Variants in WDCP observed in about 807,000 individuals in gnomAD.
WDCP encodes WD repeat and coiled-coil-containing protein.
WDCP carries 19 observed loss-of-function variants against 41.6 expected under a neutral mutation model. The observed-to-expected ratio is 0.46, with a 90% confidence interval of 0.32 to 0.67. WDCP has a LOEUF of 0.67. WDCP is among the 30% of genes least tolerant of loss of function. The pLI is 0.04. For synonymous variants in WDCP, 302 were observed against 320.8 expected, an observed-to-expected ratio of 0.94 and a Z score of 0.63; for missense variants, 802 against 850.7, an observed-to-expected ratio of 0.94 and a Z score of 0.71.
Position 24,030,607 on chromosome 2 carries a change from A to T in WDCP, c.*326T>A. ...AGACAGCTTCAATGCAGCTTTGGAC[A>T]AGGGACACAAAGCCTCAGAGAAACC... is the stretch of plus-strand genomic sequence containing the variant. On this transcript the variant is annotated 3_prime_UTR_variant, in exon 4 of 4. Transcript: ENST00000295148. The T allele has an allele frequency of 4.2e-6, 1 of 240,084 alleles. No homozygotes were observed. The highest frequency in any genetic ancestry group is 9.5e-5 in the South Asian group (1 of 10,522). The allele number at this position is 240,084 out of a possible 1,614,324, so 14.9% of individuals were successfully genotyped here.
intron 1 of WDCP, among the ~76,000 whole-genome samples, chr2:24,045,162 C>T (rs1663572559): frequency 6.6e-6 from 1 of 152,100 alleles, no homozygotes; most frequent in African/African-American, 2.4e-5. Context: ...AGGCCATATT[C>T]AAGAGATGCT....
rs999357769 is a variant in WDCP at position 24,039,508 on chromosome 2, G to T, written c.-14C>A. On this transcript the variant is annotated 5_prime_UTR_variant, in exon 2 of 4. Transcript: ENST00000295148. ...TCCCAACTCCATCCTTTTGATAAAGGTTACCTGAAATGATTAAGAAGGAAA... is the reference window on the plus strand; with the variant it reads ...TCCCAACTCCATCCTTTTGATAAAGTTTACCTGAAATGATTAAGAAGGAAA... 14 of 1,605,912 alleles carry T rather than the reference G, an allele frequency of 8.7e-6. No individual in the cohort carries two copies. Among genetic ancestry groups the T allele is most frequent in the African/African-American group, 2.7e-5 (2 of 74,682 alleles).
rs769024083 is a variant in WDCP, at chr2:24,038,500, C to T, written c.995G>A (p.Arg332Lys). Residue 332 changes from arginine (R) to lysine (K), a missense_variant, in exon 2 of 4, where the codon AGA (arginine) becomes AAA (lysine). By Grantham distance (26) the Arg-to-Lys change is conservative. Around this residue, in one of 5 missense-constraint regions of WDCP, gnomAD observed 247 missense variants for 240.5 expected, o/e 1.03. Coordinates refer to ENST00000295148, the MANE Select transcript of WDCP (RefSeq NM_025203.3). Reference protein sequence around the residue: ...VTFKKAVTMTRKVTIPGILVP... With the variant: ...VTFKKAVTMTKKVTIPGILVP... ...CAGAATGCCTGGAATAGTGACTTTTCTCGTCATGGTAACTGCCTTCTTAAA... is the reference window on the plus strand; with the variant it reads ...CAGAATGCCTGGAATAGTGACTTTTTTCGTCATGGTAACTGCCTTCTTAAA... The T allele has an allele frequency of 5.0e-6, 8 of 1,614,220 alleles. No homozygotes were observed. Among genetic ancestry groups the T allele is most frequent in the Non-Finnish European group, 6.8e-6 (8 of 1,180,046 alleles).
intron 1 of WDCP, among the ~76,000 whole-genome samples, chr2:24,040,924 GA>G (rs1372869474): frequency 1.3e-5 from 2 of 152,208 alleles, no homozygotes; most frequent in Non-Finnish European, 2.9e-5. Flanking sequence ...GCTGAGGCAG[GA>G]GAATCGTTTG....
chr2:24,038,330 T>C lies in WDCP; in HGVS notation c.1165A>G (p.Lys389Glu). 1 of 1,614,220 alleles carries C rather than the reference T, an allele frequency of 6.2e-7. No individual in the cohort carries two copies. The highest frequency in any genetic ancestry group is 8.5e-7 in the Non-Finnish European group (1 of 1,180,040). The change falls in exon 2 of 4, where the codon AAA becomes GAA. Residue 389 changes from lysine (K) to glutamate (E), a missense_variant. Around this residue, in one of 5 missense-constraint regions of WDCP, gnomAD observed 247 missense variants for 240.5 expected, o/e 1.03. Coordinates refer to ENST00000295148, the MANE Select transcript of WDCP (RefSeq NM_025203.3). ...QIRLENTERP[K>E]GICFLTDQLL... ...TGGTCTGTCAAGAAACATATCCCTT[T>C]TGGTCTTTCAGTGTTCTCTAATCGA...
rs1253163808 is a variant in WDCP, at chr2:24,038,017, C to T, written c.1478G>A (p.Arg493Lys). ...ACTCTGGATTTCTTTAATAAGTGTTCTTCCAGGCCTTCCATTCTGACTACT... is the reference window on the plus strand; with the variant it reads ...ACTCTGGATTTCTTTAATAAGTGTTTTTCCAGGCCTTCCATTCTGACTACT... ...NTSSQNGRPGRTLIKEIQSPL... is the reference protein window; with the variant it reads ...NTSSQNGRPGKTLIKEIQSPL... The change falls in exon 2 of 4, where the codon AGA (arginine) becomes AAA (lysine). Residue 493 changes from arginine (R) to lysine (K), a missense_variant. This residue lies in a region of WDCP where 321 missense variants were observed against 305.1 expected (regional missense o/e 1.05). Coordinates refer to ENST00000295148, the MANE Select transcript of WDCP (RefSeq NM_025203.3). The T allele has an allele frequency of 1.2e-6, 2 of 1,614,168 alleles. No individual in the cohort carries two copies. The highest frequency in any genetic ancestry group is 1.3e-5 in the African/African-American group (1 of 75,048).
intron 2 of WDCP, among the ~76,000 whole-genome samples, chr2:24,034,001 T>C (rs904937462): frequency 3.3e-5 from 5 of 152,252 alleles, no homozygotes; most frequent in African/African-American, 1.2e-4. Context: ...CAAAACCAAC[T>C]AATCATTTAT....
intron 2 of WDCP, among the ~76,000 whole-genome samples, chr2:24,036,697 G>A (rs922845076): frequency 3.3e-5 from 5 of 152,098 alleles, no homozygotes; most frequent in African/African-American, 1.2e-4. Context: ...AATCAACAAG[G>A]GAATGGCTAA....
In WDCP at chr2:24,037,926, C is replaced by T. The variant is rs750482403; in HGVS notation, c.1569G>A (p.Ser523=). 16 of 1,613,956 alleles carry T rather than the reference C, an allele frequency of 9.9e-6. No individual in the cohort carries two copies. The highest frequency in any genetic ancestry group is 6.7e-5 in the Admixed American group (4 of 59,986). The change falls in exon 2 of 4, where the codon TCG becomes TCA. Residue 523 remains serine (S), a synonymous_variant. Transcript: ENST00000295148. ...CTGGTGTGCTGCTGTGTCTGGGCAG[C>T]GATGCTGGCTGGGTAACAGGCTCAG... ...LDAEPVTQPA[S]LPRHSSTPDH... is the part of the protein sequence containing the mutation.
chr2:24,033,206 C>T (rs1346673080), intron 2 of WDCP: 1 of 557,190 alleles, frequency 1.8e-6, no homozygotes, highest in East Asian at 4.6e-5. Flanking sequence ...TAGAATACAA[C>T]TAATAACACT....
intron 2 of WDCP, among the ~76,000 whole-genome samples, chr2:24,036,582 G>A (rs952814216): frequency 3.3e-5 from 5 of 152,138 alleles, no homozygotes; most frequent in African/African-American, 1.2e-4. Context: ...CTACTTCTGG[G>A]AACCAATCCA....
chr2:24,037,474 G>T (rs1663290531), intron 2 of WDCP, among the ~76,000 whole-genome samples: 1 of 152,182 alleles, frequency 6.6e-6, no homozygotes, highest in African/African-American at 2.4e-5. Flanking sequence ...AAATCATGAT[G>T]CAGACTGATA....
At chr2:24,043,061 A>G (rs1663502161) in intron 1 of WDCP, among the ~76,000 whole-genome samples, 1 of 150,852 alleles carries the variant, frequency 6.6e-6, no homozygotes, top group Non-Finnish European at 1.5e-5. Flanking sequence ...TTACTGGGCC[A>G]GGTGGCTCAT....
rs756665495 is a variant in WDCP, at chr2:24,037,955, C to T, written c.1540G>A (p.Asp514Asn). The T allele has an allele frequency of 1.2e-6, 2 of 1,614,066 alleles. No homozygotes were observed. Among genetic ancestry groups the T allele is most frequent in the African/African-American group, 1.3e-5 (1 of 74,928 alleles). Reference protein sequence around the residue: ...SSICDGSIALDAEPVTQPASL... With the variant: ...SSICDGSIALNAEPVTQPASL... Reference sequence around the variant, plus strand: ...GCTGGCTGGGTAACAGGCTCAGCATCTAGAGCTATGGAGCCATCACAGATA... The same window carrying T: ...GCTGGCTGGGTAACAGGCTCAGCATTTAGAGCTATGGAGCCATCACAGATA... The change falls in exon 2 of 4, where the codon GAT becomes AAT. Residue 514 changes from aspartate to asparagine, a missense_variant. By Grantham distance (23) the Asp-to-Asn change is conservative (BLOSUM62 1). Coordinates refer to ENST00000295148, the MANE Select transcript of WDCP (RefSeq NM_025203.3).
Position 24,038,813 on chromosome 2 carries a change from T to C in WDCP, c.682A>G (p.Ile228Val). 6.2e-7 allele frequency: 1 copy of C among 1,614,202 alleles called. No homozygotes were observed. Among genetic ancestry groups the C allele is most frequent in the Non-Finnish European group, 8.5e-7 (1 of 1,180,018 alleles). The change falls in exon 2 of 4, where the codon ATC becomes GTC. Residue 228 changes from isoleucine to valine, a missense_variant. Transcript: ENST00000295148. The stretch of plus-strand genomic sequence containing the variant: ...GTTTCAGATGCATTTAAGCCACAGA[T>C]CTTATCCAATGGAAGCTCAGTAGCT... ...AIATELPLDK[I>V]CGLNASETFN...
At position 24,030,586 on chromosome 2, in the gene WDCP, A is replaced by G. The variant is rs1383285897; in HGVS notation, c.*347T>C. On this transcript the variant is annotated 3_prime_UTR_variant, in exon 4 of 4. Transcript: ENST00000295148. ...GGTATCTTTTAAGTGCTCCTAAGAC[A>G]GCTTCAATGCAGCTTTGGACAAGGG... 1 of 210,768 alleles carries G rather than the reference A, an allele frequency of 4.7e-6. No homozygotes were observed. Among genetic ancestry groups the G allele is most frequent in the Non-Finnish European group, 9.5e-6 (1 of 104,962 alleles). The allele number at this position is 210,768 out of a possible 1,614,324, so 13.1% of individuals were successfully genotyped here.
chr2:24,045,215 G>A (rs879678892), intron 1 of WDCP, among the ~76,000 whole-genome samples: 4 of 152,226 alleles, frequency 2.6e-5, no homozygotes, highest in African/African-American at 9.6e-5. Flanking sequence ...TAGGATATAA[G>A]TAGTGAGGAG....
Position 24,030,857 on chromosome 2 carries a change from C to G in WDCP, c.*76G>C, listed in dbSNP as rs1180463139. The G allele has an allele frequency of 8.8e-7, 1 of 1,138,232 alleles. No individual in the cohort carries two copies. The highest frequency in any genetic ancestry group is 1.3e-6 in the Non-Finnish European group (1 of 778,206). 70.5% of individuals were successfully genotyped at this position (1,138,232 alleles called of 1,614,324 possible). On this transcript the variant is annotated 3_prime_UTR_variant, in exon 4 of 4. Transcript: ENST00000295148. Reference sequence around the variant, plus strand: ...CTGAGTGCAGTGGGAGTCTCATTGGCGAGTGTCCAGTGTCAAGCAGGCCTT... The same window carrying G: ...CTGAGTGCAGTGGGAGTCTCATTGGGGAGTGTCCAGTGTCAAGCAGGCCTT...
At chr2:24,031,583 T>A (rs1368055317) in intron 3 of WDCP, among the ~76,000 whole-genome samples, 1 of 152,168 alleles carries the variant, frequency 6.6e-6, no homozygotes, top group Non-Finnish European at 1.5e-5. Context: ...TCCCACCACT[T>A]TGGGAGGCCG....
Sources: allele counts gnomAD v4.1 joint callset (sites outside exome capture counted in the v4.1 genomes callset), GRCh38; gene constraint gnomAD v4.1.1; regional missense constraint gnomAD v4.1.1; transcripts MANE v1.5; gene names NCBI Gene and HGNC (gene_info 2026-07-23, HGNC 2026-07-21).